KLRG2: variants seen among roughly 807,000 people sequenced by gnomAD.
The protein encoded by KLRG2 is killer cell lectin-like receptor subfamily G member 2.
A neutral mutation model predicts 35.4 loss-of-function variants in KLRG2; 39 were observed. The observed-to-expected ratio is 1.10, with a 90% CI of 0.85 to 1.44. The LOEUF (loss-of-function observed/expected upper bound fraction) is 1.44, where lower values mean the gene tolerates loss of function less well. Among genes scored for constraint, KLRG2 ranks in the 40% most tolerant of loss-of-function variants. The pLI is 0.00. For synonymous variants in KLRG2, 283 were observed against 265.8 expected, an observed-to-expected ratio of 1.06 and a Z score of -0.63; for missense variants, 632 against 570.9, an observed-to-expected ratio of 1.11 and a Z score of -1.09.
chr7:139,446,829 C>A, the KLRG2 span, among the ~76,000 whole-genome samples: 1 of 152,266 alleles, frequency 6.6e-6, no homozygotes, highest in South Asian at 2.1e-4. Flanking sequence ...CTGCCTGCCT[C>A]CCTCTTATAA....
the KLRG2 span, among the ~76,000 whole-genome samples, chr7:139,428,367 C>T: frequency 6.6e-6 from 1 of 152,116 alleles, no homozygotes; most frequent in Non-Finnish European, 1.5e-5. Context: ...CCTCAGCCTC[C>T]TGAATAGCCC....
chr7:139,449,210 T>C (rs1796342086), downstream of KLRG2, among the ~76,000 whole-genome samples: 1 of 151,820 alleles, frequency 6.6e-6, no homozygotes, highest in African/African-American at 2.4e-5. Context: ...AAGACCAGCC[T>C]GGCCAACATG....
Position 139,483,113 on chromosome 7 carries a change from G to T in KLRG2, c.530C>A (p.Ser177Tyr), listed in dbSNP as rs955700981. ...PAHQLLLRAP[S>Y]QGGTWGRRSP... The stretch of plus-strand genomic sequence containing the variant: ...GCGGCGGCCCCACGTGCCGCCCTGG[G>T]ATGGTGCGCGCAGCAGGAGCTGGTG... The change falls in exon 1 of 5, where the codon TCC becomes TAC. Residue 177 changes from serine to tyrosine, a missense_variant. Physicochemically the swap from Ser to Tyr is moderately radical, Grantham distance 144. Coordinates refer to ENST00000340940, the MANE Select transcript of KLRG2 (RefSeq NM_198508.4). The T allele has an allele frequency of 2.2e-5, 32 of 1,475,450 alleles. No homozygotes were observed. Among genetic ancestry groups the T allele is most frequent in the Admixed American group, 1.2e-4 (5 of 41,342 alleles). 91.4% of individuals were successfully genotyped at this position (1,475,450 alleles called of 1,614,324 possible).
rs1194719207 is a variant in KLRG2 at position 139,480,164 on chromosome 7, C to T, written c.841G>A (p.Val281Ile). The T allele has an allele frequency of 1.9e-6, 3 of 1,613,526 alleles. No individual in the cohort carries two copies. Among genetic ancestry groups the T allele is most frequent in the South Asian group, 2.2e-5 (2 of 91,074 alleles). The change falls in exon 2 of 5, where the codon GTC becomes ATC. Residue 281 changes from valine (V) to isoleucine (I), a missense_variant. By Grantham distance (29) the Val-to-Ile change is conservative. Transcript: ENST00000340940. The part of the protein sequence containing the change: ...LLAVSGVVIV[V>I]LASRAGARCQ... ...ACCATACCTGCTCTTGAGGCCAGGA[C>T]CACAATGACAACCCCAGAGACTGCC...
At chr7:139,451,916 T>C (rs1269198443), downstream of KLRG2, among the ~76,000 whole-genome samples, 3 of 150,096 alleles carry the variant, frequency 2.0e-5, no homozygotes, top group African/African-American at 7.3e-5. Context: ...GATTGGCGCC[T>C]GCCCCACGTG....
intron 3 of KLRG2, among the ~76,000 whole-genome samples, chr7:139,457,681 A>G (rs1392389877): frequency 6.6e-6 from 1 of 152,076 alleles, no homozygotes; most frequent in East Asian, 1.9e-4. Context: ...GCCCCAAGCT[A>G]TCTGCCTCTC....
downstream of KLRG2, among the ~76,000 whole-genome samples, chr7:139,449,865 A>G (rs1372760394): frequency 6.7e-6 from 1 of 149,296 alleles, no homozygotes; most frequent in Non-Finnish European, 1.5e-5. Flanking sequence ...ACGCTTGGCT[A>G]ATTTTTTTTG....
At chr7:139,458,699 C>G (rs12113878) in intron 3 of KLRG2, among the ~76,000 whole-genome samples, 35,739 of 152,150 alleles carry the variant, frequency 0.23, 4,385 homozygotes, top group East Asian at 0.37. Flanking sequence ...TTGAAATTAG[C>G]ATCGGGCTCG....
chr7:139,478,305 G>A (rs1258296886), intron 3 of KLRG2, among the ~76,000 whole-genome samples: 1 of 150,792 alleles, frequency 6.6e-6, no homozygotes, highest in African/African-American at 2.4e-5. Context: ...GTTCAAGGCT[G>A]CAGTAAGCCA....
the KLRG2 span, among the ~76,000 whole-genome samples, chr7:139,429,715 C>T: frequency 6.6e-6 from 1 of 152,148 alleles, no homozygotes; most frequent in Non-Finnish European, 1.5e-5. Context: ...AACAGGATCC[C>T]AAGGCAGAAG....
intron 3 of KLRG2, among the ~76,000 whole-genome samples, chr7:139,468,899 G>A (rs1796711180): frequency 6.6e-6 from 1 of 152,192 alleles, no homozygotes; most frequent in Admixed American, 6.5e-5. Context: ...AATCCAATGT[G>A]ACTGGGGTTG....
chr7:139,481,912 C>T (rs961945068), intron 1 of KLRG2, among the ~76,000 whole-genome samples: 4 of 150,662 alleles, frequency 2.7e-5, no homozygotes, highest in East Asian at 1.9e-4. Flanking sequence ...GGGTGACAAG[C>T]GCAAAACTTA....
At chr7:139,438,869 TTC>T in the KLRG2 span, among the ~76,000 whole-genome samples, 1 of 151,692 alleles carries the variant, frequency 6.6e-6, no homozygotes, top group Admixed American at 6.6e-5. Flanking sequence ...GAGACGGTAT[TTC>T]TCCACATTGG....
At chr7:139,428,244 C>T in the KLRG2 span, among the ~76,000 whole-genome samples, 1 of 151,888 alleles carries the variant, frequency 6.6e-6, no homozygotes, top group Non-Finnish European at 1.5e-5. Context: ...TAGGAGTTAC[C>T]ATTTTTTGTT....
At chr7:139,452,518 G>A (rs188531365), downstream of KLRG2, among the ~76,000 whole-genome samples, 20 of 150,080 alleles carry the variant, frequency 1.3e-4, no homozygotes, top group East Asian at 1.4e-3. Context: ...TCTCCCAGAC[G>A]GCCCATTACT....
intron 3 of KLRG2, among the ~76,000 whole-genome samples, chr7:139,454,731 G>A (rs923197046): frequency 2.0e-5 from 3 of 151,602 alleles, no homozygotes; most frequent in African/African-American, 7.3e-5. Context: ...CAGGAGAATC[G>A]CTTGAGCCCA....
intron 3 of KLRG2, among the ~76,000 whole-genome samples, chr7:139,470,333 C>T (rs898764830): frequency 7.9e-5 from 12 of 152,268 alleles, no homozygotes; most frequent in African/African-American, 2.6e-4. Flanking sequence ...GCTGGGATTA[C>T]AGGCATGAGC....
downstream of KLRG2, among the ~76,000 whole-genome samples, chr7:139,447,788 C>CA (rs1569406928): frequency 5.3e-5 from 8 of 152,084 alleles, no homozygotes; most frequent in Non-Finnish European, 8.8e-5. Context: ...TAACACAGCT[C>CA]CAAGAATGTA....
chr7:139,428,962 T>C, the KLRG2 span, among the ~76,000 whole-genome samples: 1 of 152,220 alleles, frequency 6.6e-6, no homozygotes, highest in African/African-American at 2.4e-5. Flanking sequence ...TTTTCAACTT[T>C]TGTGTATTTT....
Sources: allele counts gnomAD v4.1 joint callset (sites outside exome capture counted in the v4.1 genomes callset), GRCh38; gene constraint gnomAD v4.1.1; transcripts MANE v1.5; gene names NCBI Gene and HGNC (gene_info 2026-07-23, HGNC 2026-07-21).